Variants in APBB1IP observed in about 807,000 individuals in gnomAD.
APBB1IP encodes amyloid beta A4 precursor protein-binding family B member 1-interacting protein.
In APBB1IP, 27 loss-of-function variants were observed where a neutral mutation model predicts 64.9. The ratio of observed to expected loss-of-function variants is 0.42; its 90% CI spans 0.31 to 0.57. The LOEUF is 0.57. Among genes scored for constraint, APBB1IP ranks in the 20% least tolerant of loss-of-function variants. The pLI is 0.20. For synonymous variants in APBB1IP, 392 were observed against 331.0 expected (o/e 1.18, Z -2.00); for missense variants, 812 against 845.5 (o/e 0.96, Z 0.49).
chr10:26,555,601 G>GT (rs1229127907), intron 11 of APBB1IP, among the ~76,000 whole-genome samples: 2 of 152,102 alleles, frequency 1.3e-5, no homozygotes, highest in Non-Finnish European at 1.5e-5. Context: ...TCTTTTTGTT[G>GT]TTTTTTTGTT....
intron 11 of APBB1IP, among the ~76,000 whole-genome samples, chr10:26,543,581 A>T (rs879462869): frequency 6.6e-6 from 1 of 151,892 alleles, no homozygotes; most frequent in Non-Finnish European, 1.5e-5. Context: ...CATCACCTGG[A>T]ATAGTGGTGG....
chr10:26,547,043 A>G (rs1324244462), intron 11 of APBB1IP, among the ~76,000 whole-genome samples: 1 of 152,194 alleles, frequency 6.6e-6, no homozygotes, highest in Non-Finnish European at 1.5e-5. Flanking sequence ...GTTTTTCCAC[A>G]TCCTTGTCAG....
intron 2 of APBB1IP, among the ~76,000 whole-genome samples, chr10:26,481,865 G>C (rs1487988701): frequency 5.4e-5 from 8 of 147,190 alleles, no homozygotes; most frequent in African/African-American, 2.0e-4. Context: ...GTGTGTGTGT[G>C]TGTCTTTACT....
chr10:26,446,116 C>CT lies in APBB1IP; in HGVS notation c.-1+7268dup, dbSNP rs535950397. ...GCAGAAGCGGGGAATCCCACAAAATCTTTTTCAGGTGATTTCACATCATAT... is the reference window on the plus strand; with the variant it reads ...GCAGAAGCGGGGAATCCCACAAAATCTTTTTTCAGGTGATTTCACATCATAT... On this transcript the variant is annotated intron_variant, in intron 2 of 14. Transcript: ENST00000376236. Among the ~76,000 whole-genome samples the CT allele has an allele frequency of 1.2e-4, 19 of 152,210 alleles. No homozygotes were observed. The South Asian group carries it at 2.1e-3, about 17-fold the overall frequency.
chr10:26,533,377 C>A (rs1836578078), intron 8 of APBB1IP, 62 bp from the exon 9 acceptor site: 3 of 953,600 alleles, frequency 3.1e-6, no homozygotes, highest in South Asian at 1.9e-5. Context: ...ACTGTGAGTT[C>A]CTTGCAGAGT....
At position 26,511,822 on chromosome 10, in the gene APBB1IP, G is replaced by A; in HGVS notation, c.607G>A (p.Val203Ile). 6.2e-7 allele frequency: 1 copy of A among 1,614,192 alleles called. No individual in the cohort carries two copies. Among genetic ancestry groups the A allele is most frequent in the Non-Finnish European group, 8.5e-7 (1 of 1,180,028 alleles). Residue 203 changes from valine to isoleucine, a missense_variant, in exon 7 of 15, where the codon GTT (valine) becomes ATT (isoleucine). Physicochemically the swap from Val to Ile is conservative, Grantham distance 29. Around this residue, in one of 3 missense-constraint regions of APBB1IP, gnomAD observed 394 missense variants for 413.1 expected, o/e 0.95. Transcript: ENST00000376236. Reference protein sequence around the residue: ...MVDERQLARDVLDNLFEKTHC... With the variant: ...MVDERQLARDILDNLFEKTHC... The stretch of plus-strand genomic sequence containing the variant: ...GGATGAGCGGCAGCTGGCCCGAGAT[G>A]TTCTGGACAACCTTTTCGAGAAAAC...
chr10:26,557,388 C>T (rs1214908546), intron 11 of APBB1IP, among the ~76,000 whole-genome samples: 1 of 152,168 alleles, frequency 6.6e-6, no homozygotes, highest in East Asian at 1.9e-4. Flanking sequence ...GACCGTTCTT[C>T]GAGCAATGGA....
chr10:26,560,084 C>T (rs781365871), intron 11 of APBB1IP, 21 bp from the exon 12 acceptor site: 3 of 1,599,806 alleles, frequency 1.9e-6, no homozygotes, highest in Non-Finnish European at 1.7e-6. Context: ...AATACATTGT[C>T]TCGAAACTGC....
intron 2 of APBB1IP, among the ~76,000 whole-genome samples, chr10:26,488,510 G>C (rs746712491): frequency 2.6e-5 from 4 of 152,146 alleles, no homozygotes; most frequent in Non-Finnish European, 5.9e-5. Context: ...TGGGATAACA[G>C]GCGTGAGTCA....
At chr10:26,512,155 T>C (rs534772800) in intron 7 of APBB1IP, among the ~76,000 whole-genome samples, 61 of 152,262 alleles carry the variant, frequency 4.0e-4, no homozygotes, top group African/African-American at 1.4e-3. Context: ...AAGACTTTGG[T>C]TCAAGGCTTT....
intron 2 of APBB1IP, among the ~76,000 whole-genome samples, chr10:26,468,628 C>T (rs531740142): frequency 1.3e-5 from 2 of 151,590 alleles, no homozygotes; most frequent in Admixed American, 6.6e-5. Context: ...AAAGTAATTG[C>T]GGTTTTCACA....
intron 2 of APBB1IP, among the ~76,000 whole-genome samples, chr10:26,443,734 A>G (rs1835362260): frequency 2.0e-5 from 3 of 151,850 alleles, no homozygotes; most frequent in Admixed American, 6.6e-5. Flanking sequence ...ACAGGGTCTC[A>G]TTTTGTTGCC....
rs112041136 is a variant in APBB1IP, at chr10:26,563,992, A to G, written c.1473+1563A>G. Among the ~76,000 whole-genome samples, 766 of 140,250 alleles carry G rather than the reference A, an allele frequency of 5.5e-3. 9 individuals carry two copies. The highest frequency in any genetic ancestry group is 0.014 in the Middle Eastern group (4 of 278). The allele number at this position is 140,250 out of a possible 152,430, so 92.0% of individuals were successfully genotyped here. On this transcript the variant is annotated intron_variant, in intron 14 of 14. Transcript: ENST00000376236. ...ATCTCAGAATAGAAATCACTTAACT[A>G]TATGTGAACACCAATTCCCAAGCTG...
chr10:26,517,122 G>C (rs1198192073), intron 8 of APBB1IP, among the ~76,000 whole-genome samples: 1 of 152,208 alleles, frequency 6.6e-6, no homozygotes, highest in Non-Finnish European at 1.5e-5. Context: ...TTTTCAACTA[G>C]AAGTAATCAG....
intron 6 of APBB1IP, among the ~76,000 whole-genome samples, chr10:26,511,463 T>C (rs1334985870): frequency 6.6e-6 from 1 of 152,222 alleles, no homozygotes; most frequent in Admixed American, 6.5e-5. Flanking sequence ...AACACTTTTT[T>C]TGTTCTGTTG....
intron 2 of APBB1IP, among the ~76,000 whole-genome samples, chr10:26,468,588 A>G (rs1485457431): frequency 6.6e-6 from 1 of 152,166 alleles, no homozygotes; most frequent in Non-Finnish European, 1.5e-5. Flanking sequence ...CTAAGTTACA[A>G]TTGGGAAACA....
intron 2 of APBB1IP, among the ~76,000 whole-genome samples, chr10:26,445,598 G>T (rs1321202244): frequency 5.3e-5 from 8 of 152,152 alleles, no homozygotes; most frequent in Admixed American, 2.0e-4. Flanking sequence ...GCAATACAAG[G>T]CTTCCAAGAC....
chr10:26,530,019 G>A (rs1025053801), intron 8 of APBB1IP, among the ~76,000 whole-genome samples: 1 of 152,114 alleles, frequency 6.6e-6, no homozygotes, highest in African/African-American at 2.4e-5. Context: ...CCTAAGCCAA[G>A]GTTTGCTTTC....
chr10:26,446,688 G>A (rs1204839827), intron 2 of APBB1IP, among the ~76,000 whole-genome samples: 1 of 152,144 alleles, frequency 6.6e-6, no homozygotes, highest in Middle Eastern at 3.2e-3. Context: ...GCCAGTGTAG[G>A]GGGCACGTGT....
Sources: allele counts gnomAD v4.1 joint callset (sites outside exome capture counted in the v4.1 genomes callset), GRCh38; gene constraint gnomAD v4.1.1; regional missense constraint gnomAD v4.1.1; transcripts MANE v1.5; gene names NCBI Gene and HGNC (gene_info 2026-07-23, HGNC 2026-07-21).